Variants in PCDH15 observed in about 807,000 individuals in gnomAD.
The protein encoded by PCDH15 is protocadherin related 15.
A neutral mutation model predicts 178.5 loss-of-function variants in PCDH15; 129 were observed. The observed-to-expected ratio is 0.72, with a 90% CI of 0.63 to 0.84. The LOEUF (loss-of-function observed/expected upper bound fraction) is 0.84. Ranked by LOEUF, PCDH15 falls within the 40% of genes least tolerant of loss-of-function variation. The probability of loss-of-function intolerance (pLI) is 0.00; values close to 1 mark genes in which losing one functional copy is unlikely to be tolerated. For synonymous variants in PCDH15, 800 were observed against 732.0 expected, an observed-to-expected ratio of 1.09 and a Z score of -1.50; for missense variants, 2,230 against 2,099.9, an observed-to-expected ratio of 1.06 and a Z score of -1.21.
chr10:55,135,079 T>C (rs1305243755), intron 2 of PCDH15, among the ~76,000 whole-genome samples: 2 of 152,194 alleles, frequency 1.3e-5, no homozygotes, highest in Non-Finnish European at 2.9e-5. Flanking sequence ...TTTTTGATAA[T>C]TTGAAAAGAC....
chr10:54,775,624 G>A (rs1477003675), intron 1 of PCDH15, among the ~76,000 whole-genome samples: 2 of 152,112 alleles, frequency 1.3e-5, no homozygotes, highest in African/African-American at 2.4e-5. Context: ...TCGGCCGGGC[G>A]CGGTGGCTCA....
chr10:54,973,675 CAT>C (rs1838991916), intron 2 of PCDH15, among the ~76,000 whole-genome samples: 1 of 152,150 alleles, frequency 6.6e-6, no homozygotes, highest in Non-Finnish European at 1.5e-5. Context: ...TTAAATGAAA[CAT>C]GTGCCTTGTC....
chr10:54,877,497 T>G (rs1025748819), intron 3 of PCDH15, among the ~76,000 whole-genome samples: 13 of 152,200 alleles, frequency 8.5e-5, no homozygotes, highest in African/African-American at 3.1e-4. Flanking sequence ...AAAACCTCTC[T>G]GATGAATTAT....
At chr10:55,042,890 T>C (rs984698076) in intron 2 of PCDH15, among the ~76,000 whole-genome samples, 18 of 152,098 alleles carry the variant, frequency 1.2e-4, no homozygotes, top group African/African-American at 4.1e-4. Context: ...CATATTTAAT[T>C]TACATGAAAA....
chr10:54,543,024 G>A (rs780616463), intron 2 of PCDH15, among the ~76,000 whole-genome samples: 5 of 152,148 alleles, frequency 3.3e-5, no homozygotes, highest in Admixed American at 1.3e-4. Flanking sequence ...AGAGCACACC[G>A]ACAGACACTG....
chr10:54,775,796 G>A (rs1423978319), intron 1 of PCDH15, among the ~76,000 whole-genome samples: 1 of 152,238 alleles, frequency 6.6e-6, no homozygotes, highest in East Asian at 1.9e-4. Flanking sequence ...TGAGGCAGGA[G>A]AATGGCGTGA....
intron 1 of PCDH15, among the ~76,000 whole-genome samples, chr10:54,772,832 C>T (rs891151000): frequency 5.3e-5 from 8 of 151,922 alleles, no homozygotes; most frequent in African/African-American, 1.7e-4. Flanking sequence ...TAATTGCAGC[C>T]ATATTCACAA....
intron 2 of PCDH15, among the ~76,000 whole-genome samples, chr10:55,530,879 T>G (rs527574840): frequency 2.0e-5 from 3 of 152,002 alleles, no homozygotes; most frequent in African/African-American, 7.2e-5. Flanking sequence ...ATGGTTCTTA[T>G]AGCTTTCAAT....
intron 1 of PCDH15, among the ~76,000 whole-genome samples, chr10:55,185,218 G>C (rs1020200684): frequency 1.3e-5 from 2 of 151,802 alleles, no homozygotes; most frequent in East Asian, 3.9e-4. Context: ...AGAGATATAG[G>C]ACACCAAAGA....
intron 3 of PCDH15, among the ~76,000 whole-genome samples, chr10:54,461,547 T>C (rs1255359176): frequency 6.6e-6 from 1 of 152,190 alleles, no homozygotes; most frequent in African/African-American, 2.4e-5. Context: ...TATAGGTCTT[T>C]ATAAGCATAT....
chr10:54,161,582 ACCCCCC>A (rs2045716845), intron 13 of PCDH15, among the ~76,000 whole-genome samples: 1 of 133,098 alleles, frequency 7.5e-6, no homozygotes, highest in South Asian at 2.9e-4. Flanking sequence ...ACAGAAATTG[ACCCCCC>A]ACCCCCACCC....
chr10:54,490,423 C>G (rs2079481923), intron 3 of PCDH15, among the ~76,000 whole-genome samples: 1 of 151,764 alleles, frequency 6.6e-6, no homozygotes, highest in Admixed American at 6.6e-5. Context: ...GCACTCCAGC[C>G]TGGGTGACAG....
intron 1 of PCDH15, among the ~76,000 whole-genome samples, chr10:55,260,167 T>C (rs1842112687): frequency 1.3e-5 from 2 of 152,010 alleles, no homozygotes; most frequent in African/African-American, 4.8e-5. Flanking sequence ...GTAAGAATTG[T>C]TTAATTGTTT....
chr10:55,305,949 A>C (rs1173615123), intron 1 of PCDH15, among the ~76,000 whole-genome samples: 2 of 152,210 alleles, frequency 1.3e-5, no homozygotes, highest in Non-Finnish European at 2.9e-5. Context: ...AAATTGCAAT[A>C]ATCCCCACAC....
intron 1 of PCDH15, among the ~76,000 whole-genome samples, chr10:55,201,925 G>T (rs535266241): frequency 1.7e-4 from 26 of 152,156 alleles, no homozygotes; most frequent in Admixed American, 1.4e-3. Context: ...CACTTTCAAA[G>T]AATTTAAAGT....
At chr10:54,231,884 A>T (rs1415214535) in intron 9 of PCDH15, among the ~76,000 whole-genome samples, 1 of 152,046 alleles carries the variant, frequency 6.6e-6, no homozygotes, top group Non-Finnish European at 1.5e-5. Flanking sequence ...CAAAGCCTGT[A>T]CCCCCATTGT....
intron 3 of PCDH15, among the ~76,000 whole-genome samples, chr10:54,473,396 G>T (rs566444559): frequency 6.6e-6 from 1 of 152,054 alleles, no homozygotes; most frequent in Non-Finnish European, 1.5e-5. Flanking sequence ...ACTAGGGTAA[G>T]CAATGAAGAA....
At chr10:53,908,442 A>G (rs1041030502) in intron 25 of PCDH15, among the ~76,000 whole-genome samples, 1 of 152,184 alleles carries the variant, frequency 6.6e-6, no homozygotes, top group African/African-American at 2.4e-5. Flanking sequence ...TTATCAAAAT[A>G]TGCTGTAATT....
chr10:55,514,818 C>T (rs181487013), intron 2 of PCDH15, among the ~76,000 whole-genome samples: 2 of 151,986 alleles, frequency 1.3e-5, no homozygotes, highest in African/African-American at 4.8e-5. Flanking sequence ...TTATGGCTGG[C>T]TATGGGGAAA....
Sources: allele counts gnomAD v4.1 joint callset (sites outside exome capture counted in the v4.1 genomes callset), GRCh38; gene constraint gnomAD v4.1.1; transcripts MANE v1.5; gene names NCBI Gene and HGNC (gene_info 2026-07-23, HGNC 2026-07-21).